FEZ2: variants seen among roughly 807,000 people sequenced by gnomAD.
FEZ2 encodes fasciculation and elongation protein zeta-2.
In FEZ2, 51 loss-of-function variants were observed where a neutral mutation model predicts 40.4. The observed-to-expected ratio is 1.26, with a 90% CI of 1.01 to 1.59. FEZ2 has a LOEUF of 1.59. FEZ2 is among the 40% of genes most tolerant of loss of function. FEZ2 has a pLI of 0.00. For missense variants in FEZ2, 640 were observed against 438.3 expected (o/e 1.46, Z -4.11); for synonymous variants, 242 against 172.0 (o/e 1.41, Z -3.18).
intron 5 of FEZ2, among the ~76,000 whole-genome samples, chr2:36,565,426 G>A (rs1288607538): frequency 6.6e-6 from 1 of 152,110 alleles, no homozygotes; most frequent in African/African-American, 2.4e-5. Context: ...AGCTTCCACT[G>A]TGCAATTTCC....
intron 4 of FEZ2, among the ~76,000 whole-genome samples, chr2:36,579,494 C>G (rs1668672361): frequency 6.6e-6 from 1 of 152,070 alleles, no homozygotes; most frequent in African/African-American, 2.4e-5. Context: ...CCCCCTGGTG[C>G]TGTTCTCATG....
intron 1 of FEZ2, among the ~76,000 whole-genome samples, chr2:36,591,796 A>T (rs147498991): frequency 5.8e-4 from 89 of 152,264 alleles, no homozygotes; most frequent in Admixed American, 1.5e-3. Flanking sequence ...TCTTCAAATA[A>T]CGAGTCATTG....
chr2:36,559,923 G>A (rs1668048955), intron 5 of FEZ2, among the ~76,000 whole-genome samples: 1 of 152,172 alleles, frequency 6.6e-6, no homozygotes, highest in African/African-American at 2.4e-5. Flanking sequence ...CTCTTTAATA[G>A]GAATGATCTC....
Position 36,552,926 on chromosome 2 carries a change from A to T in FEZ2, c.*237T>A. On this transcript the variant is annotated 3_prime_UTR_variant, in exon 8 of 8. Coordinates refer to ENST00000405912, the MANE Select transcript of FEZ2 (RefSeq NM_005102.3). ...AATATTACTCTCTCTTAATCTACTAAGAGAACAGTTTATTAGTAGATTTAA... is the reference window on the plus strand; with the variant it reads ...AATATTACTCTCTCTTAATCTACTATGAGAACAGTTTATTAGTAGATTTAA... 3.9e-6 allele frequency: 2 copies of T among 516,790 alleles called. No individual in the cohort carries two copies. Among genetic ancestry groups the T allele is most frequent in the Non-Finnish European group, 6.9e-6 (2 of 288,302 alleles). The allele number at this position is 516,790 out of a possible 1,614,324, so 32.0% of individuals were successfully genotyped here. A position where few individuals can be genotyped will look rare whatever the true frequency, so the allele number is the denominator to read the frequency against.
At chr2:36,569,004 A>C (rs1330731815) in intron 5 of FEZ2, among the ~76,000 whole-genome samples, 1 of 152,178 alleles carries the variant, frequency 6.6e-6, no homozygotes, top group Non-Finnish European at 1.5e-5. Context: ...CAGAAAACGA[A>C]AATTCAAGCC....
intron 5 of FEZ2, among the ~76,000 whole-genome samples, chr2:36,574,117 T>C (rs1668496160): frequency 6.6e-6 from 1 of 152,232 alleles, no homozygotes; most frequent in African/African-American, 2.4e-5. Flanking sequence ...TAGTAGGCAG[T>C]TGGACATATA....
chr2:36,559,984 T>C (rs1668051059), intron 5 of FEZ2, among the ~76,000 whole-genome samples: 1 of 152,238 alleles, frequency 6.6e-6, no homozygotes, highest in African/African-American at 2.4e-5. Context: ...AGGCATTTGA[T>C]CTAGGCGTTC....
chr2:36,592,644 C>CAAAAAAAAAAA, intron 1 of FEZ2, among the ~76,000 whole-genome samples: 1 of 74,598 alleles, frequency 1.3e-5, no homozygotes, highest in African/African-American at 5.1e-5. Flanking sequence ...CACATCTCTA[C>CAAAAAAAAAAA]AAAAAAAAAA....
chr2:36,587,076 CAGA>C (rs1187339991), intron 2 of FEZ2, among the ~76,000 whole-genome samples: 2 of 152,216 alleles, frequency 1.3e-5, no homozygotes, highest in Admixed American at 6.5e-5. Flanking sequence ...AAATACAGCA[CAGA>C]AGATGTTCTT....
intron 2 of FEZ2, among the ~76,000 whole-genome samples, chr2:36,585,504 T>C (rs1396329076): frequency 6.8e-6 from 1 of 146,438 alleles, no homozygotes; most frequent in Non-Finnish European, 1.5e-5. Context: ...GAGGGAGAGG[T>C]GGGTGGGGAG....
chr2:36,586,521 G>T (rs1668902965), intron 2 of FEZ2, among the ~76,000 whole-genome samples: 1 of 151,974 alleles, frequency 6.6e-6, no homozygotes, highest in East Asian at 1.9e-4. Context: ...CAGCTATTCA[G>T]GAGGCTGAGG....
chr2:36,587,539 C>T (rs1054248341), intron 2 of FEZ2, among the ~76,000 whole-genome samples: 3 of 152,160 alleles, frequency 2.0e-5, no homozygotes, highest in African/African-American at 7.2e-5. Context: ...AAAGACATAT[C>T]AAATTTAGAA....
chr2:36,566,326 C>G (rs374605735), intron 5 of FEZ2, among the ~76,000 whole-genome samples: 163 of 139,352 alleles, frequency 1.2e-3, no homozygotes, highest in Middle Eastern at 4.1e-3. Flanking sequence ...GACGACAGAG[C>G]GAGACTCCGT....
Position 36,597,867 on chromosome 2 carries a change from C to G in FEZ2, c.266+10G>C. The G allele has an allele frequency of 3.7e-6, 5 of 1,354,708 alleles. No individual in the cohort carries two copies. Among genetic ancestry groups the G allele is most frequent in the African/African-American group, 1.5e-5 (1 of 65,270 alleles). 83.9% of individuals were successfully genotyped at this position (1,354,708 alleles called of 1,614,324 possible). ...CTCCCGCCCACTCCCGGCCGGGGCC[C>G]CGCACTCACTCGTCCCCCTGCAGGA... On this transcript the variant is annotated intron_variant, in intron 1 of 7. Transcript: ENST00000405912.
intron 5 of FEZ2, among the ~76,000 whole-genome samples, chr2:36,566,380 G>T (rs1447098702): frequency 6.6e-6 from 1 of 151,912 alleles, no homozygotes; most frequent in Admixed American, 6.6e-5. Flanking sequence ...TAATGGGGAG[G>T]TAGAGTGCAC....
chr2:36,558,309 A>T (rs1572999596), intron 6 of FEZ2, 129 bp downstream of exon 6: 1 of 480,924 alleles, frequency 2.1e-6, no homozygotes, highest in East Asian at 3.3e-5. Context: ...TTATAAAAAT[A>T]AACAATTATA....
At chr2:36,581,563 T>C in intron 3 of FEZ2, 132 bp from the exon 4 acceptor site, 1 of 724,350 alleles carries the variant, frequency 1.4e-6, no homozygotes, top group South Asian at 2.0e-5. Context: ...TGTTCAGGTG[T>C]GGATGCTCCA....
chr2:36,578,999 A>G (rs1175005123), intron 4 of FEZ2, 134 bp from the exon 5 acceptor site: 2 of 707,550 alleles, frequency 2.8e-6, no homozygotes, highest in East Asian at 5.2e-5. Context: ...TATTCCAAGC[A>G]ATTAAATTGA....
chr2:36,578,909 T>C (rs1371218234), intron 4 of FEZ2, 44 bp from the exon 5 acceptor site: 37 of 1,548,662 alleles, frequency 2.4e-5, no homozygotes, highest in Non-Finnish European at 3.1e-5. Flanking sequence ...GACAAAAACA[T>C]TTCAAGGAAG....
Sources: gnomAD v4.1 joint callset for allele counts (sites outside exome capture counted in the v4.1 genomes callset) on GRCh38, gnomAD v4.1.1 for gene constraint, MANE v1.5 for transcripts, NCBI Gene and HGNC (gene_info 2026-07-23, HGNC 2026-07-21) for gene names.